CD38: variants seen among roughly 807,000 people sequenced by gnomAD.
CD38 encodes the protein CD38 molecule, also known as ADP-ribosyl cyclase/cyclic ADP-ribose hydrolase 1.
A neutral mutation model predicts 36.3 loss-of-function variants in CD38; 31 were observed. That is an observed-to-expected ratio of 0.85 (90% CI 0.64 to 1.15). The LOEUF is 1.15. CD38 is among the 50% of genes most tolerant of loss of function. The probability of loss-of-function intolerance (pLI) is 0.00; values close to 1 mark genes in which losing one functional copy is unlikely to be tolerated. For missense variants in CD38, 380 were observed against 371.9 expected (o/e 1.02, Z -0.18); for synonymous variants, 131 against 135.2 (o/e 0.97, Z 0.22).
At chr4:15,801,514 C>A (rs1404753269) in intron 1 of CD38, among the ~76,000 whole-genome samples, 1 of 152,068 alleles carries the variant, frequency 6.6e-6, no homozygotes, top group Non-Finnish European at 1.5e-5. Context: ...AGGCCAGTAT[C>A]CCTGATGAAC....
rs1202859000 is a variant in CD38 at position 15,842,167 on chromosome 4, A to G, written c.839+1629A>G. On this transcript the variant is annotated intron_variant, in intron 7 of 7. Coordinates refer to ENST00000226279, the MANE Select transcript of CD38 (RefSeq NM_001775.4). ...GCAGACTTAAGTGTCCCTGTCTGAC[A>G]GCTTTGAAGAGAGCAGTGGTTCTCC... 4.2e-5 allele frequency among the ~76,000 whole-genome samples: 4 copies of G among 94,890 alleles called. 1 individual carries two copies. The highest frequency in any genetic ancestry group is 2.2e-4 in the African/African-American group (4 of 18,096). The allele number at this position is 94,890 out of a possible 152,430, so 62.3% of individuals were successfully genotyped here. A position where few individuals can be genotyped will look rare whatever the true frequency, so the allele number is the denominator to read the frequency against.
chr4:15,836,376 C>G (rs1411012634), intron 4 of CD38, among the ~76,000 whole-genome samples: 1 of 152,152 alleles, frequency 6.6e-6, no homozygotes, highest in Non-Finnish European at 1.5e-5. Context: ...GAGGGCAGAA[C>G]CCTTAGGGCC....
chr4:15,830,340 T>C (rs1281093676), intron 3 of CD38, among the ~76,000 whole-genome samples: 1 of 152,214 alleles, frequency 6.6e-6, no homozygotes, highest in Non-Finnish European at 1.5e-5. Context: ...TATCTGATGG[T>C]CAATGATTTG....
chr4:15,778,840 C>CA lies in CD38; in HGVS notation c.233+194dup, dbSNP rs1443958605. 7.9e-5 allele frequency among the ~76,000 whole-genome samples: 12 copies of CA among 150,976 alleles called. No homozygotes were observed. The highest frequency in any genetic ancestry group is 3.3e-4 in the Admixed American group (5 of 15,214). On this transcript the variant is annotated intron_variant, in intron 1 of 7. Coordinates refer to ENST00000226279, the MANE Select transcript of CD38 (RefSeq NM_001775.4). This position sits in a 1 kb window ranked among gnomAD's most constrained non-coding sequence, Gnocchi z 4.9. Reference sequence around the variant, plus strand: ...CGCTTTCAGGAGCAGCTGGCCTTGGCACCGAGCGTGCCCGCGGGAGGCGGG... The same window carrying CA: ...CGCTTTCAGGAGCAGCTGGCCTTGGCAACCGAGCGTGCCCGCGGGAGGCGGG...
chr4:15,849,449 A>G lies in CD38; in HGVS notation c.*847A>G, dbSNP rs911104054. ...TTATATTCTCTTCCAACAAATGCAT[A>G]TTGGATTAAATTGACTAGAATGGAA... On this transcript the variant is annotated 3_prime_UTR_variant, in exon 8 of 8. Coordinates refer to ENST00000226279, the MANE Select transcript of CD38 (RefSeq NM_001775.4). 10 of 152,178 alleles carry G rather than the reference A, an allele frequency of 6.6e-5. No homozygotes were observed. The highest frequency in any genetic ancestry group is 2.2e-4 in the African/African-American group (9 of 41,440). 9.4% of individuals were successfully genotyped at this position (152,178 alleles called of 1,614,324 possible).
chr4:15,831,611 C>G (rs1452255403), intron 3 of CD38, among the ~76,000 whole-genome samples: 1 of 152,212 alleles, frequency 6.6e-6, no homozygotes, highest in Non-Finnish European at 1.5e-5. Context: ...TCATGCCACT[C>G]TCATCTGGCC....
chr4:15,778,595 G>A lies in CD38; in HGVS notation c.181G>A (p.Glu61Lys), dbSNP rs147573494. ...SGPGTTKRFP[E>K]TVLARCVKYT... ...TCCGGGCACCACCAAGCGCTTTCCCGAGACCGTCCTGGCGCGATGCGTCAA... is the reference window on the plus strand; with the variant it reads ...TCCGGGCACCACCAAGCGCTTTCCCAAGACCGTCCTGGCGCGATGCGTCAA... Residue 61 changes from glutamate (E) to lysine (K), a missense_variant, in exon 1 of 8, where the codon GAG (glutamate) becomes AAG (lysine). Transcript: ENST00000226279. This position sits in a 1 kb window ranked among gnomAD's most constrained non-coding sequence, Gnocchi z 4.9. 1 of 1,613,750 alleles carries A rather than the reference G, an allele frequency of 6.2e-7. No individual in the cohort carries two copies.
chr4:15,832,718 C>T (rs544423191), intron 3 of CD38, among the ~76,000 whole-genome samples: 15 of 152,264 alleles, frequency 9.9e-5, no homozygotes, highest in African/African-American at 3.6e-4. Flanking sequence ...CCTGCAGTAA[C>T]CACTTCCTAG....
intron 3 of CD38, among the ~76,000 whole-genome samples, chr4:15,833,389 A>G (rs1273710115): frequency 6.6e-6 from 1 of 152,230 alleles, no homozygotes; most frequent in Admixed American, 6.5e-5. Flanking sequence ...TCATGAAAAC[A>G]TATATACTTT....
At position 15,848,764 on chromosome 4, in the gene CD38, C is replaced by G; in HGVS notation, c.*162C>G. ...CTTTTTCCCCAAAGTCTTAAAATAA[C>G]TTATATCATCAGCATACCTTTATTG... On this transcript the variant is annotated 3_prime_UTR_variant, in exon 8 of 8. Coordinates refer to ENST00000226279, the MANE Select transcript of CD38 (RefSeq NM_001775.4). 1.9e-6 allele frequency: 1 copy of G among 538,446 alleles called. No homozygotes were observed. Among genetic ancestry groups the G allele is most frequent in the Non-Finnish European group, 3.4e-6 (1 of 296,510 alleles). The allele number at this position is 538,446 out of a possible 1,614,324, so 33.4% of individuals were successfully genotyped here. A position where few individuals can be genotyped will look rare whatever the true frequency, so the allele number is the denominator to read the frequency against.
chr4:15,786,030 G>A lies in CD38; in HGVS notation c.233+7383G>A, dbSNP rs866067933. Among the ~76,000 whole-genome samples, 19 of 152,048 alleles carry A rather than the reference G, an allele frequency of 1.2e-4. No homozygotes were observed. In the East Asian group the frequency reaches 1.5e-3, roughly 12 times the overall value. On this transcript the variant is annotated intron_variant, in intron 1 of 7. Coordinates refer to ENST00000226279, the MANE Select transcript of CD38 (RefSeq NM_001775.4). ...TCGTTCCTCCCATCTGGAGTTGTTC[G>A]TTCCTCCTGGTGGGTTCATGGTCTC...
rs11303312 is a variant in CD38, at chr4:15,852,809, C to CT, written c.*4225dup. ...ACTATTCCCTAACGGGGCATTTATT[C>CT]TTTTTTTTTTTTTTTTTTGGGAGAC... On this transcript the variant is annotated 3_prime_UTR_variant, in exon 8 of 8. Coordinates refer to ENST00000226279, the MANE Select transcript of CD38 (RefSeq NM_001775.4). 0.062 allele frequency: 7,743 copies of CT among 125,656 alleles called. 711 individuals are homozygous for CT. Among genetic ancestry groups the CT allele is most frequent in the African/African-American group, 0.21 (6,838 of 32,494 alleles). The allele number at this position is 125,656 out of a possible 1,614,324, so 7.8% of individuals were successfully genotyped here.
chr4:15,838,515 CCTCCCCTG>C (rs1254481679), intron 5 of CD38, among the ~76,000 whole-genome samples: 1 of 152,130 alleles, frequency 6.6e-6, no homozygotes, highest in Non-Finnish European at 1.5e-5. Context: ...ATATGACCTG[CCTCCCCTG>C]CTCCCCTGCT....
At chr4:15,800,665 A>T (rs2148918382) in intron 1 of CD38, among the ~76,000 whole-genome samples, 1 of 152,256 alleles carries the variant, frequency 6.6e-6, no homozygotes, top group Admixed American at 6.5e-5. Context: ...TAAGCAACAT[A>T]CTCCAGAATG....
At position 15,838,091 on chromosome 4, in the gene CD38, G is replaced by A; in HGVS notation, c.586-1G>A. ...GAATGGTGGGCATTTTTTTTTTTAA[G>A]TTTGCAGAAGCTGCCTGTGATGTGG... On this transcript the variant is annotated splice_acceptor_variant, in intron 4 of 7. Coordinates refer to ENST00000226279, the MANE Select transcript of CD38 (RefSeq NM_001775.4). LOFTEE classifies it high-confidence loss of function. 1 of 1,606,688 alleles carries A rather than the reference G, an allele frequency of 6.2e-7. No homozygotes were observed. Among genetic ancestry groups the A allele is most frequent in the Non-Finnish European group, 8.5e-7 (1 of 1,177,072 alleles).
chr4:15,795,641 T>C (rs1447310573), intron 1 of CD38, among the ~76,000 whole-genome samples: 1 of 152,110 alleles, frequency 6.6e-6, no homozygotes, highest in Non-Finnish European at 1.5e-5. Context: ...AAAAGGAAGA[T>C]ATATACCTGC....
At chr4:15,796,143 A>C (rs1331530388) in intron 1 of CD38, among the ~76,000 whole-genome samples, 6 of 152,156 alleles carry the variant, frequency 3.9e-5, no homozygotes, top group Non-Finnish European at 1.5e-5. Context: ...AGAAGGACTG[A>C]AAACACCTTG....
At chr4:15,784,055 C>T (rs1358155772) in intron 1 of CD38, among the ~76,000 whole-genome samples, 1 of 152,206 alleles carries the variant, frequency 6.6e-6, no homozygotes, top group African/African-American at 2.4e-5. Flanking sequence ...AACCTGGGAA[C>T]AGAGCAACGC....
chr4:15,781,560 A>T (rs1326780453), intron 1 of CD38, among the ~76,000 whole-genome samples: 1 of 152,220 alleles, frequency 6.6e-6, no homozygotes, highest in Admixed American at 6.5e-5. Flanking sequence ...GTCCAAAGGC[A>T]GTCTCTGGCA....
Sources: allele counts gnomAD v4.1 joint callset (sites outside exome capture counted in the v4.1 genomes callset), GRCh38; gene constraint gnomAD v4.1.1; non-coding constraint Gnocchi (gnomAD v3.1); transcripts MANE v1.5; gene names NCBI Gene and HGNC (gene_info 2026-07-23, HGNC 2026-07-21).